DNAJA4: variants seen among roughly 807,000 people sequenced by gnomAD.
The protein encoded by DNAJA4 is DnaJ heat shock protein family (Hsp40) member A4, also known as dnaJ homolog subfamily A member 4.
Under a neutral mutation model 39.7 loss-of-function variants are expected in DNAJA4, and 32 were observed. The observed-to-expected ratio is 0.81, with a 90% CI of 0.61 to 1.08. The LOEUF (loss-of-function observed/expected upper bound fraction) is 1.08. Ranked by LOEUF, DNAJA4 falls within the 50% of genes least tolerant of loss-of-function variation. The pLI, the probability that DNAJA4 is intolerant of heterozygous loss-of-function variation, is 0.00. For synonymous variants in DNAJA4, 184 were observed against 182.4 expected, an observed-to-expected ratio of 1.01 and a Z score of -0.07; for missense variants, 439 against 505.1, an observed-to-expected ratio of 0.87 and a Z score of 1.25.
rs781248827 is a variant in DNAJA4, at chr15:78,275,712, T to G, written c.861T>G (p.Val287=). 6.2e-7 allele frequency: 1 copy of G among 1,607,878 alleles called. No individual in the cohort carries two copies. Among genetic ancestry groups the G allele is most frequent in the African/African-American group, 1.3e-5 (1 of 74,852 alleles). Residue 287 remains valine, a synonymous_variant, in exon 5 of 7, where the codon GTT becomes GTG. Coordinates refer to ENST00000394852, the MANE Select transcript of DNAJA4 (RefSeq NM_001130182.2). Reference sequence around the variant, plus strand: ...AAACATTGGACAATCGAATTCTTGTTATTACATCCAAAGCAGGTAATGTTT... The same window carrying G: ...AAACATTGGACAATCGAATTCTTGTGATTACATCCAAAGCAGGTAATGTTT... ...TIKTLDNRIL[V]ITSKAGEVIK...
chr15:78,278,093 G>A (rs961493069), intron 5 of DNAJA4: 4 of 455,924 alleles, frequency 8.8e-6, no homozygotes, highest in African/African-American at 6.0e-5. Context: ...GAGCATTGCT[G>A]AGGATTGGAT....
chr15:78,264,758 C>T lies in DNAJA4; in HGVS notation c.-6C>T, dbSNP rs369520356. The T allele has an allele frequency of 6.3e-7, 1 of 1,585,416 alleles. No homozygotes were observed. The highest frequency in any genetic ancestry group is 8.6e-7 in the Non-Finnish European group (1 of 1,164,794). The stretch of plus-strand genomic sequence containing the variant: ...CGGCCTCGCCCGCCCCCCCCGCAGA[C>T]ACAAGATGGTGAAGGAGACCCAGTA... On this transcript the variant is annotated 5_prime_UTR_variant, in exon 1 of 7. Transcript: ENST00000394852.
upstream of DNAJA4, chr15:78,264,469 G>A (rs1049625513): frequency 3.0e-6 from 4 of 1,325,110 alleles, no homozygotes; most frequent in Non-Finnish European, 3.8e-6. Flanking sequence ...CGGAACCTCC[G>A]CGAAGGTTCT....
At chr15:78,267,145 T>A (rs56688398) in intron 1 of DNAJA4, among the ~76,000 whole-genome samples, 4 of 95,584 alleles carry the variant, frequency 4.2e-5, no homozygotes, top group Non-Finnish European at 9.5e-5. Flanking sequence ...TATGTGAGTG[T>A]GTGTGTGAGT....
chr15:78,270,622 G>T lies in DNAJA4; in HGVS notation c.258G>T (p.Met86Ile). The T allele has an allele frequency of 6.2e-7, 1 of 1,614,160 alleles. No individual in the cohort carries two copies. The highest frequency in any genetic ancestry group is 8.5e-7 in the Non-Finnish European group (1 of 1,180,042). ...GCAGCCCCAGCTTCTCTTCACCCAT[G>T]GACATCTTTGACATGTTCTTTGGTG... Reference protein sequence around the residue: ...GSGSPSFSSPMDIFDMFFGGG... With the variant: ...GSGSPSFSSPIDIFDMFFGGG... The change falls in exon 2 of 7, where the codon ATG (methionine) becomes ATT (isoleucine). Residue 86 changes from methionine to isoleucine, a missense_variant. Coordinates refer to ENST00000394852, the MANE Select transcript of DNAJA4 (RefSeq NM_001130182.2).
Position 78,279,862 on chromosome 15 carries a change from C to A in DNAJA4, c.878-183C>A. 1.6e-6 allele frequency: 1 copy of A among 615,744 alleles called. No homozygotes were observed. 38.1% of individuals were successfully genotyped at this position (615,744 alleles called of 1,614,324 possible). A position where few individuals can be genotyped will look rare whatever the true frequency, so the allele number is the denominator to read the frequency against. On this transcript the variant is annotated intron_variant, in intron 5 of 6. Coordinates refer to ENST00000394852, the MANE Select transcript of DNAJA4 (RefSeq NM_001130182.2). The surrounding 1 kb of genome is among the most constrained non-coding windows in gnomAD (Gnocchi z 4.5). ...ACAGGCCAGAGTCTCAGCCTGAGCC[C>A]CTTCCCCAGGCAGTACCTGACAAGG...
Position 78,280,036 on chromosome 15 carries a change from C to G in DNAJA4, c.878-9C>G. ...CTTCCTCCTTCCTAATTGACCCTTTCTCTGGCAGGTGAGGTGATAAAGCAC... is the reference window on the plus strand; with the variant it reads ...CTTCCTCCTTCCTAATTGACCCTTTGTCTGGCAGGTGAGGTGATAAAGCAC... On this transcript the variant is annotated splice_polypyrimidine_tract_variant and intron_variant, in intron 5 of 6. Transcript: ENST00000394852. 6.2e-7 allele frequency: 1 copy of G among 1,613,906 alleles called. No homozygotes were observed. Among genetic ancestry groups the G allele is most frequent in the Non-Finnish European group, 8.5e-7 (1 of 1,179,836 alleles).
chr15:78,267,728 C>T (rs1409827740), intron 1 of DNAJA4, among the ~76,000 whole-genome samples: 1 of 152,238 alleles, frequency 6.6e-6, no homozygotes, highest in South Asian at 2.1e-4. Context: ...ATCCTAACCA[C>T]TCTGTGCTTC....
At chr15:78,275,455 T>C (rs574804218) in intron 4 of DNAJA4, 43 bp from the exon 5 acceptor site, 24 of 1,503,484 alleles carry the variant, frequency 1.6e-5, no homozygotes, top group South Asian at 2.3e-5. Flanking sequence ...GAAGCATGGT[T>C]TGTATGAGAA....
chr15:78,264,253 G>C (rs1306214231), upstream of DNAJA4: 3 of 1,223,090 alleles, frequency 2.5e-6, no homozygotes, highest in African/African-American at 1.6e-5. Flanking sequence ...CGGCCTCGGG[G>C]CGGCGGGACA....
intron 2 of DNAJA4, among the ~76,000 whole-genome samples, chr15:78,271,368 G>A (rs2049290440): frequency 6.6e-6 from 1 of 151,966 alleles, no homozygotes; most frequent in Non-Finnish European, 1.5e-5. Flanking sequence ...CTCTCCTCTT[G>A]CCCACCCTCC....
At chr15:78,264,402 C>T (rs1465557230), upstream of DNAJA4, 10 of 1,384,034 alleles carry the variant, frequency 7.2e-6, no homozygotes, top group Non-Finnish European at 9.3e-6. Context: ...AGGTGAGCGG[C>T]TGGGCCGCGC....
intron 5 of DNAJA4, among the ~76,000 whole-genome samples, chr15:78,277,245 C>T (rs765280846): frequency 3.9e-5 from 6 of 152,054 alleles, no homozygotes; most frequent in Non-Finnish European, 7.4e-5. Context: ...AGTGCAGTGG[C>T]GTGATCTCAG....
intron 1 of DNAJA4, 96 bp downstream of exon 1, chr15:78,264,991 G>C: frequency 7.4e-7 from 1 of 1,357,918 alleles, no homozygotes; most frequent in Non-Finnish European, 9.8e-7. Flanking sequence ...AGCCGCGTTT[G>C]TTGGGGAGGC....
At chr15:78,268,545 A>G (rs2049205966) in intron 1 of DNAJA4, among the ~76,000 whole-genome samples, 1 of 152,080 alleles carries the variant, frequency 6.6e-6, no homozygotes, top group African/African-American at 2.4e-5. Context: ...CTCTCTCTCA[A>G]ATTCCTTATT....
intron 1 of DNAJA4, among the ~76,000 whole-genome samples, chr15:78,269,699 G>A (rs1206978607): frequency 1.3e-5 from 2 of 151,838 alleles, no homozygotes; most frequent in Non-Finnish European, 2.9e-5. Context: ...AATGTCCTTT[G>A]TAGCCATTTT....
At chr15:78,270,950 C>T (rs993069679) in intron 2 of DNAJA4, among the ~76,000 whole-genome samples, 2 of 152,062 alleles carry the variant, frequency 1.3e-5, no homozygotes, top group Non-Finnish European at 2.9e-5. Context: ...CTGTAGTCTC[C>T]GCTACTTCTT....
At chr15:78,278,190 G>A (rs750592346) in intron 5 of DNAJA4, 9 of 455,916 alleles carry the variant, frequency 2.0e-5, no homozygotes, top group African/African-American at 8.0e-5. Flanking sequence ...AGCCTAACTC[G>A]TGGTCTTCTT....
intron 2 of DNAJA4, among the ~76,000 whole-genome samples, chr15:78,272,085 T>C (rs2049313934): frequency 6.6e-6 from 1 of 152,150 alleles, no homozygotes; most frequent in Admixed American, 6.5e-5. Context: ...GATAAAACCT[T>C]GGGTACTTTG....
Sources: allele counts gnomAD v4.1 joint callset (sites outside exome capture counted in the v4.1 genomes callset), GRCh38; gene constraint gnomAD v4.1.1; non-coding constraint Gnocchi (gnomAD v3.1); transcripts MANE v1.5; gene names NCBI Gene and HGNC (gene_info 2026-07-23, HGNC 2026-07-21).